Variants in CADM1 observed in about 807,000 individuals in gnomAD.
CADM1 encodes cell adhesion molecule 1, also known as TSLC-1.
Under a neutral mutation model 53.1 loss-of-function variants are expected in CADM1, and 15 were observed. That is an observed-to-expected ratio of 0.28 (90% CI 0.19 to 0.44). The LOEUF is 0.44. Among genes scored for constraint, CADM1 ranks in the 20% least tolerant of loss-of-function variants. The pLI, the probability that CADM1 is intolerant of heterozygous loss-of-function variation, is 1.00. For synonymous variants in CADM1, 281 were observed against 243.0 expected, an observed-to-expected ratio of 1.16 and a Z score of -1.45; for missense variants, 434 against 611.3, an observed-to-expected ratio of 0.71 and a Z score of 3.06.
intron 7 of CADM1, among the ~76,000 whole-genome samples, chr11:115,213,403 A>G (rs1487106930): frequency 2.0e-5 from 3 of 152,220 alleles, no homozygotes; most frequent in African/African-American, 7.2e-5. Context: ...CACGGACAAC[A>G]TTGGTAGTGC....
In CADM1 at chr11:115,174,376, C is replaced by T; in HGVS notation, c.*2098G>A. Reference sequence around the variant, plus strand: ...ATTCTCACCCTTTGATATGATTATACTATGGTCGGAATGGGTGCTAAGGGC... The same window carrying T: ...ATTCTCACCCTTTGATATGATTATATTATGGTCGGAATGGGTGCTAAGGGC... On this transcript the variant is annotated 3_prime_UTR_variant, in exon 12 of 12. Transcript: ENST00000331581. The T allele has an allele frequency of 2.0e-6, 2 of 985,162 alleles. No individual in the cohort carries two copies. The highest frequency in any genetic ancestry group is 4.7e-5 in the South Asian group (1 of 21,252). The allele number at this position is 985,162 out of a possible 1,614,324, so 61.0% of individuals were successfully genotyped here.
At position 115,404,346 on chromosome 11, in the gene CADM1, A is replaced by AATAT. The variant is rs869231204; in HGVS notation, c.124+99921_124+99924dup. Among the ~76,000 whole-genome samples the AATAT allele has an allele frequency of 1.8e-3, 60 of 33,672 alleles. 1 individual carries two copies. The highest frequency in any genetic ancestry group is 8.1e-3 in the East Asian group (8 of 982). The allele number at this position is 33,672 out of a possible 152,430, so 22.1% of individuals were successfully genotyped here. ...GTCTCGGAAAAAAAAAAAAAAAAAA[A>AATAT]ATATATATATATATATATATATATA... On this transcript the variant is annotated intron_variant, in intron 1 of 11. Transcript: ENST00000331581.
At chr11:115,386,363 T>C (rs973306672) in intron 1 of CADM1, among the ~76,000 whole-genome samples, 1 of 152,240 alleles carries the variant, frequency 6.6e-6, no homozygotes, top group Non-Finnish European at 1.5e-5. Context: ...TTAAGTCTTA[T>C]TGTTAAAAAA....
intron 1 of CADM1, among the ~76,000 whole-genome samples, chr11:115,479,480 A>T (rs975525484): frequency 7.2e-5 from 11 of 152,102 alleles, no homozygotes; most frequent in African/African-American, 1.2e-4. Flanking sequence ...AACCCAAAAA[A>T]ACGTACAAAA....
intron 1 of CADM1, among the ~76,000 whole-genome samples, chr11:115,492,956 C>G (rs1949531551): frequency 6.6e-6 from 1 of 151,478 alleles, no homozygotes; most frequent in African/African-American, 2.4e-5. Context: ...CACACACACA[C>G]ACACACCCTT....
At chr11:115,220,250 C>T (rs1941355895) in intron 5 of CADM1, among the ~76,000 whole-genome samples, 1 of 152,084 alleles carries the variant, frequency 6.6e-6, no homozygotes, top group Non-Finnish European at 1.5e-5. Context: ...TGCTCAACTT[C>T]CATCAATAAT....
chr11:115,263,923 T>C (rs1188024687), intron 1 of CADM1, among the ~76,000 whole-genome samples: 1 of 152,186 alleles, frequency 6.6e-6, no homozygotes, highest in Non-Finnish European at 1.5e-5. Flanking sequence ...GAATCTGCTA[T>C]AGTACTATGT....
At chr11:115,336,853 C>T (rs1945280315) in intron 1 of CADM1, among the ~76,000 whole-genome samples, 1 of 152,088 alleles carries the variant, frequency 6.6e-6, no homozygotes, top group Non-Finnish European at 1.5e-5. Flanking sequence ...TTAAATTGAA[C>T]TTATTCTGTC....
chr11:115,336,904 T>C (rs1754408344), intron 1 of CADM1, among the ~76,000 whole-genome samples: 1 of 152,198 alleles, frequency 6.6e-6, no homozygotes, highest in South Asian at 2.1e-4. Context: ...TTAGTAACCG[T>C]TAAGTAAGTA....
At chr11:115,240,145 C>T (rs1308319276) in intron 2 of CADM1, 129 bp downstream of exon 2, 6 of 817,974 alleles carry the variant, frequency 7.3e-6, no homozygotes, top group Non-Finnish European at 1.2e-5. Context: ...CTCTTCTTCC[C>T]TCTAAAGAAC....
chr11:115,410,004 G>C (rs1327797124), intron 1 of CADM1, among the ~76,000 whole-genome samples: 1 of 152,198 alleles, frequency 6.6e-6, no homozygotes, highest in East Asian at 1.9e-4. Flanking sequence ...ACAAATCCAA[G>C]TCAACCTTTA....
At chr11:115,216,907 T>C (rs1941211574) in intron 6 of CADM1, among the ~76,000 whole-genome samples, 1 of 152,212 alleles carries the variant, frequency 6.6e-6, no homozygotes, top group Admixed American at 6.5e-5. Context: ...CTCTGAATTC[T>C]TTATATGAAA....
Position 115,198,389 on chromosome 11 carries a change from A to G in CADM1, c.1111+17T>C. 1 of 1,588,408 alleles carries G rather than the reference A, an allele frequency of 6.3e-7. No individual in the cohort carries two copies. Among genetic ancestry groups the G allele is most frequent in the African/African-American group, 1.3e-5 (1 of 74,928 alleles). ...AGCAGTGCTGAGAAAGTAGATAAAC[A>G]GTAATGTGATACCAACCGTGAACTG... On this transcript the variant is annotated intron_variant, in intron 9 of 11. Coordinates refer to ENST00000331581, the MANE Select transcript of CADM1 (RefSeq NM_001301043.2).
chr11:115,324,472 A>C lies in CADM1; in HGVS notation c.125-84052T>G, dbSNP rs574457639. 3.3e-5 allele frequency among the ~76,000 whole-genome samples: 5 copies of C among 150,494 alleles called. No individual in the cohort carries two copies. The South Asian group carries it at 1.1e-3, about 32-fold the overall frequency. On this transcript the variant is annotated intron_variant, in intron 1 of 11. Transcript: ENST00000331581. ...ACATGCTATATACTACAGAGCCCCA[A>C]TCGGTAAGTCTGTTCTCTCTTGTTG...
At position 115,401,206 on chromosome 11, in the gene CADM1, C is replaced by T. The variant is rs145472436; in HGVS notation, c.124+103065G>A. Among the ~76,000 whole-genome samples, 430 of 152,242 alleles carry T rather than the reference C, an allele frequency of 2.8e-3. 2 individuals are homozygous for T. Among genetic ancestry groups the T allele is most frequent in the African/African-American group, 9.6e-3 (400 of 41,538 alleles). On this transcript the variant is annotated intron_variant, in intron 1 of 11. Transcript: ENST00000331581. ...CAAGCCATGAAAAGACATAAAGGAA[C>T]CTTAAATTCATATTAATAAATGAAG...
chr11:115,449,078 G>A (rs1948514976), intron 1 of CADM1, among the ~76,000 whole-genome samples: 1 of 152,138 alleles, frequency 6.6e-6, no homozygotes, highest in Non-Finnish European at 1.5e-5. Flanking sequence ...CAGGCACCTT[G>A]TCCAATTTCA....
intron 5 of CADM1, among the ~76,000 whole-genome samples, chr11:115,219,581 G>A (rs1320014978): frequency 6.6e-6 from 1 of 152,152 alleles, no homozygotes; most frequent in Non-Finnish European, 1.5e-5. Context: ...CAAAGAAACT[G>A]TTTAAGAGCA....
intron 1 of CADM1, among the ~76,000 whole-genome samples, chr11:115,416,739 A>G (rs1947609412): frequency 7.0e-6 from 1 of 142,060 alleles, no homozygotes; most frequent in South Asian, 2.2e-4. Flanking sequence ...ACACACAGAT[A>G]GATATTGTAC....
chr11:115,294,867 T>C (rs1255219621), intron 1 of CADM1, among the ~76,000 whole-genome samples: 3 of 152,000 alleles, frequency 2.0e-5, no homozygotes, highest in African/African-American at 4.8e-5. Context: ...AAACTCCGTC[T>C]CTACTAAAAA....
Sources: gnomAD v4.1 joint callset for allele counts (sites outside exome capture counted in the v4.1 genomes callset) on GRCh38, gnomAD v4.1.1 for gene constraint, MANE v1.5 for transcripts, NCBI Gene and HGNC (gene_info 2026-07-23, HGNC 2026-07-21) for gene names.